Variants in ARHGAP12 observed in about 807,000 individuals in gnomAD.
ARHGAP12 encodes rho GTPase-activating protein 12.
A neutral mutation model predicts 108.6 loss-of-function variants in ARHGAP12; 64 were observed. The ratio of observed to expected loss-of-function variants is 0.59; its 90% CI spans 0.48 to 0.73. The LOEUF is 0.73. Among genes scored for constraint, ARHGAP12 ranks in the 30% least tolerant of loss-of-function variants. The pLI is 0.00. For synonymous variants in ARHGAP12, 312 were observed against 337.2 expected (o/e 0.93, Z 0.82); for missense variants, 940 against 1,005.9 (o/e 0.93, Z 0.89).
In ARHGAP12 at chr10:31,843,535, C is replaced by G; in HGVS notation, c.1222G>C (p.Asp408His). The change falls in exon 7 of 20, where the codon GAC becomes CAC. Residue 408 changes from aspartate (D) to histidine (H), a missense_variant. Coordinates refer to ENST00000344936, the MANE Select transcript of ARHGAP12 (RefSeq NM_018287.7). ...ACTATTGGTTCTTGCAGCCGCCTGTCCAGGCTCCTACTTTTAATTATTTCT... is the reference window on the plus strand; with the variant it reads ...ACTATTGGTTCTTGCAGCCGCCTGTGCAGGCTCCTACTTTTAATTATTTCT... Reference protein sequence around the residue: ...QREIIKSRSLDRRLQEPIVLT... With the variant: ...QREIIKSRSLHRRLQEPIVLT... 6.2e-7 allele frequency: 1 copy of G among 1,612,750 alleles called. No individual in the cohort carries two copies. The highest frequency in any genetic ancestry group is 8.5e-7 in the Non-Finnish European group (1 of 1,179,468).
At chr10:31,868,839 G>A (rs1837431522) in intron 3 of ARHGAP12, among the ~76,000 whole-genome samples, 1 of 151,980 alleles carries the variant, frequency 6.6e-6, no homozygotes, top group Non-Finnish European at 1.5e-5. Context: ...TGAGGTGAGA[G>A]GATGACTTGA....
intron 4 of ARHGAP12, among the ~76,000 whole-genome samples, chr10:31,856,523 GAA>G (rs1836893237): frequency 6.6e-6 from 1 of 152,128 alleles, no homozygotes; most frequent in Non-Finnish European, 1.5e-5. Flanking sequence ...AATAATTGGG[GAA>G]AATAAGGGGA....
intron 10 of ARHGAP12, 42 bp downstream of exon 10, chr10:31,831,697 T>C: frequency 7.5e-7 from 1 of 1,341,230 alleles, no homozygotes; most frequent in Non-Finnish European, 1.0e-6. Context: ...TTAATTTATT[T>C]CAGATGAATC....
chr10:31,926,635 T>C (rs188762013), intron 1 of ARHGAP12, among the ~76,000 whole-genome samples: 85 of 152,352 alleles, frequency 5.6e-4, no homozygotes, highest in African/African-American at 1.9e-3. Context: ...TATTTAGTTT[T>C]TACTCCATTT....
chr10:31,821,693 TAAAC>T (rs1835423673), intron 11 of ARHGAP12, among the ~76,000 whole-genome samples: 1 of 152,164 alleles, frequency 6.6e-6, no homozygotes, highest in South Asian at 2.1e-4. Context: ...AGTGTGAACT[TAAAC>T]AAAAGTTAGG....
At chr10:31,920,819 C>T (rs1161944038) in intron 1 of ARHGAP12, among the ~76,000 whole-genome samples, 1 of 152,116 alleles carries the variant, frequency 6.6e-6, no homozygotes, top group African/African-American at 2.4e-5. Flanking sequence ...ACCACATTCT[C>T]GGCCATGGAA....
chr10:31,902,098 A>G (rs1838951465), intron 3 of ARHGAP12, among the ~76,000 whole-genome samples: 2 of 152,202 alleles, frequency 1.3e-5, no homozygotes, highest in South Asian at 4.1e-4. Context: ...AAAAAGAAGA[A>G]TAAAGTGAGA....
At chr10:31,853,717 G>A (rs923725071) in intron 5 of ARHGAP12, among the ~76,000 whole-genome samples, 10 of 152,138 alleles carry the variant, frequency 6.6e-5, no homozygotes, top group Non-Finnish European at 1.5e-4. Flanking sequence ...AGGCAGTGAG[G>A]CGATGTATGA....
intron 3 of ARHGAP12, among the ~76,000 whole-genome samples, chr10:31,869,679 A>T (rs577107171): frequency 1.6e-4 from 25 of 152,362 alleles, no homozygotes; most frequent in Non-Finnish European, 2.9e-4. Context: ...TTCATATTTA[A>T]AAAAGACTTG....
intron 15 of ARHGAP12, among the ~76,000 whole-genome samples, chr10:31,812,196 T>A (rs1053685818): frequency 6.6e-6 from 1 of 152,174 alleles, no homozygotes; most frequent in Non-Finnish European, 1.5e-5. Flanking sequence ...GTGATTTTTT[T>A]AAAGAATATT....
At chr10:31,808,623 A>T in intron 19 of ARHGAP12, 26 bp downstream of exon 19, 1 of 1,606,564 alleles carries the variant, frequency 6.2e-7, no homozygotes, top group Non-Finnish European at 8.5e-7. Context: ...GCTATACCAC[A>T]TCCCATGACT....
At chr10:31,891,639 T>C (rs954592473) in intron 3 of ARHGAP12, among the ~76,000 whole-genome samples, 5 of 152,172 alleles carry the variant, frequency 3.3e-5, no homozygotes, top group East Asian at 3.8e-4. Flanking sequence ...CCCTGCTAGA[T>C]TGGGGACGTT....
intron 7 of ARHGAP12, among the ~76,000 whole-genome samples, chr10:31,841,777 C>G (rs961419882): frequency 6.6e-6 from 1 of 152,116 alleles, no homozygotes; most frequent in African/African-American, 2.4e-5. Flanking sequence ...CCCTAAGTTG[C>G]AGAGCATCTG....
At chr10:31,879,221 G>A (rs1288122211) in intron 3 of ARHGAP12, among the ~76,000 whole-genome samples, 1 of 152,090 alleles carries the variant, frequency 6.6e-6, no homozygotes, top group Admixed American at 6.6e-5. Context: ...GACCAGCCTG[G>A]GCAACATGAT....
intron 16 of ARHGAP12, among the ~76,000 whole-genome samples, chr10:31,810,203 T>C (rs1415621237): frequency 1.3e-5 from 2 of 152,154 alleles, no homozygotes; most frequent in Non-Finnish European, 2.9e-5. Context: ...GAAAATGACA[T>C]AAAAATTTTT....
At chr10:31,924,811 T>G (rs780092935) in intron 1 of ARHGAP12, among the ~76,000 whole-genome samples, 1 of 152,122 alleles carries the variant, frequency 6.6e-6, no homozygotes, top group African/African-American at 2.4e-5. Context: ...CTCAGGACCC[T>G]AGGCACCTTA....
intron 9 of ARHGAP12, among the ~76,000 whole-genome samples, chr10:31,836,829 G>A (rs755451825): frequency 5.9e-5 from 9 of 152,184 alleles, no homozygotes; most frequent in Non-Finnish European, 8.8e-5. Flanking sequence ...ACCTCCATGG[G>A]AGGGCACAAC....
intron 3 of ARHGAP12, among the ~76,000 whole-genome samples, chr10:31,864,874 A>G (rs1837263721): frequency 6.6e-6 from 1 of 152,206 alleles, no homozygotes; most frequent in African/African-American, 2.4e-5. Context: ...GTGAAACATG[A>G]TAATAATAGA....
chr10:31,900,866 C>T (rs967986406), intron 3 of ARHGAP12, among the ~76,000 whole-genome samples: 1 of 151,878 alleles, frequency 6.6e-6, no homozygotes, highest in African/African-American at 2.4e-5. Context: ...TGAGGTGGGT[C>T]GGGAATTCCA....
Sources: allele counts gnomAD v4.1 joint callset (sites outside exome capture counted in the v4.1 genomes callset), GRCh38; gene constraint gnomAD v4.1.1; transcripts MANE v1.5; gene names NCBI Gene and HGNC (gene_info 2026-07-23, HGNC 2026-07-21).